PPP1R9A: variants seen among roughly 807,000 people sequenced by gnomAD.
PPP1R9A encodes protein phosphatase 1 regulatory subunit 9A.
A neutral mutation model predicts 141.9 loss-of-function variants in PPP1R9A; 59 were observed. That is an observed-to-expected ratio of 0.42 (90% CI 0.34 to 0.52). The LOEUF (loss-of-function observed/expected upper bound fraction) is 0.52. Among genes scored for constraint, PPP1R9A ranks in the 20% least tolerant of loss-of-function variants. The probability of loss-of-function intolerance (pLI) is 0.10; values close to 1 mark genes in which losing one functional copy is unlikely to be tolerated. For synonymous variants in PPP1R9A, 500 were observed against 569.7 expected (o/e 0.88, Z 1.74); for missense variants, 1,444 against 1,611.9 (o/e 0.90, Z 1.78).
chr7:95,249,458 G>A (rs571468406), intron 9 of PPP1R9A, among the ~76,000 whole-genome samples: 1 of 152,146 alleles, frequency 6.6e-6, no homozygotes, highest in East Asian at 1.9e-4. Flanking sequence ...TCACAATTCT[G>A]TTGTATGGAT....
intron 4 of PPP1R9A, among the ~76,000 whole-genome samples, chr7:95,146,754 A>G (rs1827696890): frequency 1.3e-5 from 2 of 152,182 alleles, no homozygotes; most frequent in Admixed American, 1.3e-4. Flanking sequence ...TAAATAGGAA[A>G]TCCTTTCCCC....
chr7:95,133,786 T>C (rs1315996315), intron 4 of PPP1R9A, among the ~76,000 whole-genome samples: 1 of 151,932 alleles, frequency 6.6e-6, no homozygotes, highest in Non-Finnish European at 1.5e-5. Context: ...AACCTCCACC[T>C]CCCGGGTTCA....
chr7:95,280,206 C>A (rs913409036), intron 16 of PPP1R9A, among the ~76,000 whole-genome samples: 7 of 152,226 alleles, frequency 4.6e-5, no homozygotes, highest in Non-Finnish European at 8.8e-5. Flanking sequence ...AGAATTACTT[C>A]ATTCGATTTA....
At chr7:95,064,105 A>C (rs1812631827) in intron 2 of PPP1R9A, among the ~76,000 whole-genome samples, 1 of 152,142 alleles carries the variant, frequency 6.6e-6, no homozygotes, top group Admixed American at 6.5e-5. Context: ...CTGTTATTTA[A>C]GTTCTGTAAA....
rs775982460 is a variant in PPP1R9A at position 94,910,669 on chromosome 7, G to C, written c.556G>C (p.Asp186His). Residue 186 changes from aspartate to histidine, a missense_variant, in exon 2 of 20, where the codon GAT becomes CAT. Coordinates refer to ENST00000433360, the MANE Select transcript of PPP1R9A (RefSeq NM_001166160.2). The surrounding 1 kb of genome is among the most constrained non-coding windows in gnomAD (Gnocchi z 4.5). ...GGSKSNRGST[D>H]SLDSLSSRTE... ...TTCCAAGTCCAACAGAGGCAGTACT[G>C]ATTCCTTGGACAGCCTTAGCTCCCG... The C allele has an allele frequency of 2.5e-6, 4 of 1,614,038 alleles. No homozygotes were observed. In the African/African-American group the frequency reaches 4.0e-5, roughly 16 times the overall value.
intron 2 of PPP1R9A, among the ~76,000 whole-genome samples, chr7:95,108,302 C>CGTTTCTTTTTTTTTTT (rs1204011323): frequency 1.5e-5 from 1 of 68,760 alleles, no homozygotes; most frequent in Non-Finnish European, 3.2e-5. Context: ...TTTTTCGTTT[C>CGTTTCTTTTTTTTTTT]TTTTCTTTTT....
intron 2 of PPP1R9A, among the ~76,000 whole-genome samples, chr7:95,044,401 G>A (rs1809692457): frequency 6.6e-6 from 1 of 152,128 alleles, no homozygotes; most frequent in African/African-American, 2.4e-5. Context: ...TGCCCATGCA[G>A]TATCATTTGC....
intron 12 of PPP1R9A, among the ~76,000 whole-genome samples, chr7:95,267,203 G>A (rs1801436836): frequency 6.6e-6 from 1 of 152,074 alleles, no homozygotes; most frequent in South Asian, 2.1e-4. Context: ...CCTTGCTTTG[G>A]TTTTGTAGTA....
At chr7:95,095,827 G>A (rs1402008098) in intron 2 of PPP1R9A, among the ~76,000 whole-genome samples, 1 of 152,156 alleles carries the variant, frequency 6.6e-6, no homozygotes, top group African/African-American at 2.4e-5. Flanking sequence ...ATGTATATAT[G>A]CATTCCCTAA....
chr7:95,228,053 T>C (rs1362788147), intron 8 of PPP1R9A, among the ~76,000 whole-genome samples: 2 of 152,194 alleles, frequency 1.3e-5, no homozygotes, highest in African/African-American at 4.8e-5. Flanking sequence ...CACTGGGCAC[T>C]TTTCACAGGA....
chr7:95,164,113 T>C (rs1830834138), intron 5 of PPP1R9A, among the ~76,000 whole-genome samples: 14 of 152,214 alleles, frequency 9.2e-5, no homozygotes, highest in Admixed American at 9.2e-4. Context: ...TGCTATATCA[T>C]GTGGTAAGTG....
At chr7:95,013,917 T>G (rs1804756417) in intron 2 of PPP1R9A, among the ~76,000 whole-genome samples, 1 of 152,144 alleles carries the variant, frequency 6.6e-6, no homozygotes, top group Non-Finnish European at 1.5e-5. Context: ...ATAATTCTCA[T>G]GTACTCATAA....
At chr7:95,150,824 A>C (rs1281602403) in intron 4 of PPP1R9A, among the ~76,000 whole-genome samples, 3 of 152,238 alleles carry the variant, frequency 2.0e-5, no homozygotes, top group African/African-American at 7.2e-5. Flanking sequence ...TAATAAGAAA[A>C]CTATAACTTG....
intron 2 of PPP1R9A, among the ~76,000 whole-genome samples, chr7:94,960,348 T>C (rs1797498839): frequency 6.6e-6 from 1 of 151,634 alleles, no homozygotes; most frequent in Non-Finnish European, 1.5e-5. Context: ...CTTTGACCCT[T>C]CTTCCAGCTT....
chr7:95,075,951 G>A lies in PPP1R9A; in HGVS notation c.1396-35308G>A, dbSNP rs80096637. Among the ~76,000 whole-genome samples, 1,171 of 152,248 alleles carry A rather than the reference G, an allele frequency of 7.7e-3. 14 individuals are homozygous for A. Among genetic ancestry groups the A allele is most frequent in the African/African-American group, 0.027 (1,121 of 41,548 alleles). On this transcript the variant is annotated intron_variant, in intron 2 of 19. Coordinates refer to ENST00000433360, the MANE Select transcript of PPP1R9A (RefSeq NM_001166160.2). ...ACTAGAAAATGTATAGTAATTAAGAGTTGTTTACTAAGATTTGTTTTGCAG... is the reference window on the plus strand; with the variant it reads ...ACTAGAAAATGTATAGTAATTAAGAATTGTTTACTAAGATTTGTTTTGCAG...
intron 12 of PPP1R9A, among the ~76,000 whole-genome samples, chr7:95,259,634 A>G (rs2153027667): frequency 6.6e-6 from 1 of 152,270 alleles, no homozygotes; most frequent in Admixed American, 6.5e-5. Context: ...TATCTGATTT[A>G]TTTCCTGATA....
chr7:95,094,253 T>C (rs1388349181), intron 2 of PPP1R9A, among the ~76,000 whole-genome samples: 1 of 152,218 alleles, frequency 6.6e-6, no homozygotes, highest in East Asian at 1.9e-4. Context: ...GTTTGAACTA[T>C]ATTCTCCAGG....
At chr7:94,971,430 T>C (rs1340494694) in intron 2 of PPP1R9A, among the ~76,000 whole-genome samples, 1 of 152,214 alleles carries the variant, frequency 6.6e-6, no homozygotes, top group Non-Finnish European at 1.5e-5. Flanking sequence ...TTATTACCCA[T>C]GGCCAGATTT....
chr7:95,087,541 A>G (rs573916623), intron 2 of PPP1R9A, among the ~76,000 whole-genome samples: 1 of 152,148 alleles, frequency 6.6e-6, no homozygotes, highest in East Asian at 1.9e-4. Flanking sequence ...TGAAATATTG[A>G]TAGTAAAAGG....
Sources: gnomAD v4.1 joint callset for allele counts (sites outside exome capture counted in the v4.1 genomes callset) on GRCh38, gnomAD v4.1.1 for gene constraint, Gnocchi (gnomAD v3.1) non-coding constraint, MANE v1.5 for transcripts, NCBI Gene and HGNC (gene_info 2026-07-23, HGNC 2026-07-21) for gene names.